The following TTC8 variants were observed in gnomAD, a reference collection of about 807,000 sequenced individuals.
TTC8 encodes the protein tetratricopeptide repeat protein 8.
A neutral mutation model predicts 72.5 loss-of-function variants in TTC8; 47 were observed. That is an observed-to-expected ratio of 0.65 (90% CI 0.51 to 0.83). The LOEUF (loss-of-function observed/expected upper bound fraction) is 0.83. Ranked by LOEUF, TTC8 falls within the 40% of genes least tolerant of loss-of-function variation. TTC8 has a pLI of 0.00. For missense variants in TTC8, 611 were observed against 623.2 expected (o/e 0.98, Z 0.21); for synonymous variants, 199 against 221.4 (o/e 0.90, Z 0.90).
intron 2 of TTC8, 61 bp downstream of exon 2, chr14:88,833,783 T>G: frequency 2.0e-6 from 3 of 1,507,978 alleles, no homozygotes; most frequent in Non-Finnish European, 2.8e-6. Context: ...ATTGCTTAGT[T>G]GTTGCTATAG....
chr14:88,830,022 G>T (rs1206133164), intron 1 of TTC8, among the ~76,000 whole-genome samples: 1 of 152,094 alleles, frequency 6.6e-6, no homozygotes, highest in African/African-American at 2.4e-5. Context: ...TGGCTGCGTG[G>T]TCACTAGATC....
chr14:88,853,615 C>G (rs1252017413), intron 8 of TTC8, among the ~76,000 whole-genome samples: 2 of 152,166 alleles, frequency 1.3e-5, no homozygotes, highest in African/African-American at 2.4e-5. Flanking sequence ...CAGTAAGTGG[C>G]AGAACAAGAA....
At chr14:88,833,991 G>A in intron 2 of TTC8, 1 of 476,830 alleles carries the variant, frequency 2.1e-6, no homozygotes, top group Non-Finnish European at 3.8e-6. Flanking sequence ...GGATTAGAAG[G>A]ATATGAAAAA....
chr14:88,876,563 C>T (rs970749523), intron 14 of TTC8, among the ~76,000 whole-genome samples: 6 of 152,034 alleles, frequency 3.9e-5, no homozygotes, highest in Non-Finnish European at 8.8e-5. Context: ...CCCAGTTACC[C>T]TGATTTGATC....
chr14:88,833,942 C>A (rs186033674), intron 2 of TTC8: 2 of 561,646 alleles, frequency 3.6e-6, no homozygotes, highest in Non-Finnish European at 6.3e-6. Context: ...ATGCAGTCTA[C>A]TCATTGGGAC....
intron 5 of TTC8, 110 bp from the exon 6 acceptor site, chr14:88,841,315 G>T: frequency 3.2e-6 from 5 of 1,582,462 alleles, no homozygotes; most frequent in Non-Finnish European, 4.3e-6. Context: ...GAAGATTTTT[G>T]AAGGTGATTA....
In TTC8 at chr14:88,872,320, T is replaced by C; in HGVS notation, c.1225-10T>C. The C allele has an allele frequency of 6.2e-7, 1 of 1,613,602 alleles. No homozygotes were observed. The highest frequency in any genetic ancestry group is 8.5e-7 in the Non-Finnish European group (1 of 1,179,708). ...GACCCATGGGTGTGAACATAGGCTTTCTTTTGTAGGGAATAGGAGATACAA... is the reference window on the plus strand; with the variant it reads ...GACCCATGGGTGTGAACATAGGCTTCCTTTTGTAGGGAATAGGAGATACAA... On this transcript the variant is annotated splice_polypyrimidine_tract_variant and intron_variant, in intron 12 of 14. Coordinates refer to ENST00000380656, the MANE Select transcript of TTC8 (RefSeq NM_144596.4).
chr14:88,875,319 C>T (rs1228219846), intron 14 of TTC8, among the ~76,000 whole-genome samples: 1 of 152,116 alleles, frequency 6.6e-6, no homozygotes, highest in Non-Finnish European at 1.5e-5. Flanking sequence ...TGACTAAACT[C>T]CATTATAGAT....
At chr14:88,827,909 G>A (rs1207003190) in intron 1 of TTC8, among the ~76,000 whole-genome samples, 2 of 152,120 alleles carry the variant, frequency 1.3e-5, no homozygotes, top group Non-Finnish European at 2.9e-5. Context: ...AGGTTTGTGT[G>A]GTATCCCAAG....
At chr14:88,862,248 A>T (rs1022625984) in intron 10 of TTC8, among the ~76,000 whole-genome samples, 3 of 151,908 alleles carry the variant, frequency 2.0e-5, no homozygotes, top group African/African-American at 7.2e-5. Context: ...AATGTTGAGC[A>T]TGTGTTCATA....
At position 88,871,767 on chromosome 14, in the gene TTC8, T is replaced by A; in HGVS notation, c.1224+44T>A. 2.5e-6 allele frequency: 4 copies of A among 1,609,164 alleles called. No homozygotes were observed. The highest frequency in any genetic ancestry group is 3.4e-6 in the Non-Finnish European group (4 of 1,175,942). On this transcript the variant is annotated intron_variant, in intron 12 of 14. Coordinates refer to ENST00000380656, the MANE Select transcript of TTC8 (RefSeq NM_144596.4). The surrounding 1 kb of genome is among the most constrained non-coding windows in gnomAD (Gnocchi z 4.1). ...ATAATTTCTGTTATAGAAAGTTGGT[T>A]TGAGCCAGACACAGTGGCTCATGCC...
chr14:88,846,974 G>A (rs917458292), intron 7 of TTC8: 25 of 190,404 alleles, frequency 1.3e-4, no homozygotes, highest in Admixed American at 6.1e-5. Context: ...CTCCTTGCTC[G>A]TCCCACCCCA....
At chr14:88,875,676 T>C (rs1416229447) in intron 14 of TTC8, among the ~76,000 whole-genome samples, 1 of 152,176 alleles carries the variant, frequency 6.6e-6, no homozygotes, top group African/African-American at 2.4e-5. Context: ...GAGTCTGTTT[T>C]GAGAATAAGG....
At chr14:88,880,529 G>T (rs2094969944), downstream of TTC8, 1 of 152,204 alleles carries the variant, frequency 6.6e-6, no homozygotes, top group Admixed American at 6.5e-5. Flanking sequence ...GGAACTCTTG[G>T]TGAAAGCAAC....
chr14:88,861,610 C>T (rs577871126), intron 10 of TTC8, among the ~76,000 whole-genome samples: 14 of 152,114 alleles, frequency 9.2e-5, no homozygotes, highest in Middle Eastern at 3.4e-3. Context: ...TTTTTGTACC[C>T]CTTAACCAAC....
At chr14:88,833,990 G>A in intron 2 of TTC8, 1 of 479,858 alleles carries the variant, frequency 2.1e-6, no homozygotes, top group Non-Finnish European at 3.8e-6. Flanking sequence ...TGGATTAGAA[G>A]GATATGAAAA....
chr14:88,841,512 A>C lies in TTC8; in HGVS notation c.577A>C (p.Lys193Gln). Reference protein sequence around the residue: ...TKYSQKPKLAKALFEYIFHHE... With the variant: ...TKYSQKPKLAQALFEYIFHHE... ...GTATTCCCAGAAACCTAAGTTGGCA[A>C]AGGTATGTACTTAAAATGATTTTGA... The change falls in exon 6 of 15, where the codon AAG (lysine) becomes CAG (glutamine). Residue 193 changes from lysine (K) to glutamine (Q), a missense_variant and splice_region_variant. Lys to Gln is a moderately conservative substitution (Grantham distance 53). Coordinates refer to ENST00000380656, the MANE Select transcript of TTC8 (RefSeq NM_144596.4). The C allele has an allele frequency of 6.2e-7, 1 of 1,610,238 alleles. No homozygotes were observed. Among genetic ancestry groups the C allele is most frequent in the East Asian group, 2.2e-5 (1 of 44,752 alleles).
intron 1 of TTC8, among the ~76,000 whole-genome samples, chr14:88,828,612 A>G (rs2094712417): frequency 6.6e-6 from 1 of 152,098 alleles, no homozygotes; most frequent in South Asian, 2.1e-4. Context: ...TCCCCTCCCC[A>G]TTACAAAAGA....
At chr14:88,854,674 G>T (rs534127319) in intron 8 of TTC8, among the ~76,000 whole-genome samples, 3 of 152,160 alleles carry the variant, frequency 2.0e-5, no homozygotes, top group Non-Finnish European at 4.4e-5. Context: ...AGGTAATTTT[G>T]TATAATATTT....
Sources: allele counts gnomAD v4.1 joint callset (sites outside exome capture counted in the v4.1 genomes callset), GRCh38; gene constraint gnomAD v4.1.1; non-coding constraint Gnocchi (gnomAD v3.1); transcripts MANE v1.5; gene names NCBI Gene and HGNC (gene_info 2026-07-23, HGNC 2026-07-21).